The following COL21A1 variants were observed in gnomAD, a reference collection of about 807,000 sequenced individuals.
COL21A1 encodes collagen type XXI alpha 1 chain, also known as collagen alpha-1(XXI) chain.
COL21A1 carries 149 observed loss-of-function variants against 137.9 expected under a neutral mutation model. That is an observed-to-expected ratio of 1.08 (90% CI 0.95 to 1.24). COL21A1 has a LOEUF of 1.24. Ranked by LOEUF, COL21A1 falls within the 50% of genes most tolerant of loss-of-function variation. COL21A1 has a pLI of 0.00. For synonymous variants in COL21A1, 456 were observed against 391.5 expected (o/e 1.16, Z -1.95); for missense variants, 1,167 against 1,158.4 (o/e 1.01, Z -0.11).
chr6:56,381,014 G>A (rs9370527), intron 1 of COL21A1, among the ~76,000 whole-genome samples: 35,810 of 151,952 alleles, frequency 0.24, 5,513 homozygotes, highest in East Asian at 0.63. Flanking sequence ...GCTCTCACAG[G>A]GAACTAACCC....
chr6:56,156,511 C>T (rs1476337698), intron 10 of COL21A1, among the ~76,000 whole-genome samples: 1 of 152,116 alleles, frequency 6.6e-6, no homozygotes, highest in African/African-American at 2.4e-5. Flanking sequence ...ATGTAATCAT[C>T]AAGGAAGATA....
intron 12 of COL21A1, among the ~76,000 whole-genome samples, chr6:56,136,664 T>C (rs376817998): frequency 1.3e-5 from 2 of 152,200 alleles, no homozygotes; most frequent in East Asian, 1.9e-4. Context: ...AGAACTACTA[T>C]TTTTAAAATT....
intron 1 of COL21A1, among the ~76,000 whole-genome samples, chr6:56,209,984 G>A (rs373053343): frequency 2.6e-5 from 4 of 152,064 alleles, no homozygotes; most frequent in African/African-American, 4.8e-5. Context: ...CAGGGACATG[G>A]ATGAAGCTGG....
At chr6:56,165,080 C>T (rs1480784955) in intron 7 of COL21A1, among the ~76,000 whole-genome samples, 1 of 152,034 alleles carries the variant, frequency 6.6e-6, no homozygotes, top group Non-Finnish European at 1.5e-5. Context: ...ACCAGAGCTG[C>T]TTGATATAAT....
At chr6:56,097,684 G>A (rs948040609) in intron 17 of COL21A1, among the ~76,000 whole-genome samples, 3 of 145,212 alleles carry the variant, frequency 2.1e-5, no homozygotes, top group South Asian at 2.1e-4. Context: ...TCTGCTTGGC[G>A]ATAAAACTGA....
At chr6:56,167,343 G>A (rs1054048704) in intron 6 of COL21A1, among the ~76,000 whole-genome samples, 1 of 152,140 alleles carries the variant, frequency 6.6e-6, no homozygotes, top group African/African-American at 2.4e-5. Flanking sequence ...CATTCCTGAT[G>A]GTATAGGGTG....
intron 1 of COL21A1, among the ~76,000 whole-genome samples, chr6:56,211,550 T>C (rs1277842871): frequency 2.0e-5 from 3 of 152,014 alleles, no homozygotes; most frequent in African/African-American, 7.2e-5. Flanking sequence ...AAGTCCTATA[T>C]TGAATTATTT....
At chr6:56,176,360 G>A (rs1485758568) in intron 3 of COL21A1, among the ~76,000 whole-genome samples, 1 of 151,444 alleles carries the variant, frequency 6.6e-6, no homozygotes, top group Non-Finnish European at 1.5e-5. Flanking sequence ...TAAAATATTT[G>A]CAAACCATAT....
intron 3 of COL21A1, among the ~76,000 whole-genome samples, 168 bp from the exon 4 acceptor site, chr6:56,171,296 GA>G (rs1324029795): frequency 2.0e-5 from 3 of 151,792 alleles, no homozygotes; most frequent in Non-Finnish European, 2.9e-5. Context: ...CATTTTCTGA[GA>G]AAATGTAGAA....
chr6:56,140,044 G>A (rs765887182), intron 12 of COL21A1, among the ~76,000 whole-genome samples: 3 of 152,046 alleles, frequency 2.0e-5, no homozygotes, highest in Non-Finnish European at 2.9e-5. Context: ...CTGTAAAATT[G>A]AATTTGCCAT....
At chr6:56,097,804 T>C (rs1479586676) in intron 17 of COL21A1, among the ~76,000 whole-genome samples, 1 of 105,514 alleles carries the variant, frequency 9.5e-6, no homozygotes, top group Non-Finnish European at 1.8e-5. Flanking sequence ...TATAAATCTA[T>C]ATAAATATAT....
chr6:56,104,209 C>G (rs539689239), intron 16 of COL21A1, among the ~76,000 whole-genome samples: 91 of 151,936 alleles, frequency 6.0e-4, no homozygotes, highest in Non-Finnish European at 9.9e-4. Flanking sequence ...CTACAAGTAC[C>G]CTTCTTTACA....
At chr6:56,087,846 C>A (rs1768406017) in intron 17 of COL21A1, among the ~76,000 whole-genome samples, 1 of 152,040 alleles carries the variant, frequency 6.6e-6, no homozygotes, top group African/African-American at 2.4e-5. Flanking sequence ...AGGAAGATAT[C>A]CATTTCTCCT....
intron 1 of COL21A1, among the ~76,000 whole-genome samples, chr6:56,227,212 A>T (rs1157403913): frequency 6.6e-6 from 1 of 152,062 alleles, no homozygotes; most frequent in Non-Finnish European, 1.5e-5. Flanking sequence ...CATATGATCT[A>T]TGCTGTATAA....
chr6:56,150,564 AC>A (rs879549284), intron 10 of COL21A1, among the ~76,000 whole-genome samples: 22,210 of 122,310 alleles, frequency 0.18, 2,189 homozygotes, highest in African/African-American at 0.26. Context: ...ACACACACAC[AC>A]AAGAGTGGGG....
intron 1 of COL21A1, among the ~76,000 whole-genome samples, chr6:56,259,080 C>T (rs1480035061): frequency 2.6e-5 from 4 of 152,146 alleles, no homozygotes; most frequent in Non-Finnish European, 4.4e-5. Context: ...AGACATTCAG[C>T]AGAAGCAGTG....
intron 1 of COL21A1, among the ~76,000 whole-genome samples, chr6:56,345,527 C>T (rs928565700): frequency 1.3e-5 from 2 of 152,150 alleles, no homozygotes; most frequent in Non-Finnish European, 2.9e-5. Context: ...TGAACTCAGA[C>T]GTTTTTGATG....
At chr6:56,387,439 C>T (rs185768693) in intron 1 of COL21A1, among the ~76,000 whole-genome samples, 116 of 149,216 alleles carry the variant, frequency 7.8e-4, no homozygotes, top group Non-Finnish European at 1.4e-3. Context: ...TGCAAGAAAG[C>T]ACCTTCACAA....
chr6:56,269,975 G>C (rs1028691472), intron 1 of COL21A1, among the ~76,000 whole-genome samples: 2 of 152,150 alleles, frequency 1.3e-5, no homozygotes, highest in African/African-American at 4.8e-5. Context: ...TACCACAAAA[G>C]CACACTTAAA....
Sources: gnomAD v4.1 joint callset for allele counts (sites outside exome capture counted in the v4.1 genomes callset) on GRCh38, gnomAD v4.1.1 for gene constraint, MANE v1.5 for transcripts, NCBI Gene and HGNC (gene_info 2026-07-23, HGNC 2026-07-21) for gene names.